The following FOCAD variants were observed in gnomAD, a reference collection of about 807,000 sequenced individuals.
FOCAD encodes focadhesin.
FOCAD carries 198 observed loss-of-function variants against 225.6 expected under a neutral mutation model. The observed-to-expected ratio is 0.88, with a 90% CI of 0.78 to 0.99. The LOEUF (loss-of-function observed/expected upper bound fraction) is 0.99, where lower values mean the gene tolerates loss of function less well. Ranked by LOEUF, FOCAD falls within the 50% of genes least tolerant of loss-of-function variation. FOCAD has a pLI of 0.00. For missense variants in FOCAD, 2,713 were observed against 2,123.6 expected (o/e 1.28, Z -5.46); for synonymous variants, 897 against 755.0 (o/e 1.19, Z -3.08).
chr9:20,979,318 C>T (rs1173405412), intron 37 of FOCAD, among the ~76,000 whole-genome samples: 1 of 151,896 alleles, frequency 6.6e-6, no homozygotes, highest in Non-Finnish European at 1.5e-5. Flanking sequence ...GGCCTTTGTC[C>T]CTATTCAGCC....
intron 11 of FOCAD, among the ~76,000 whole-genome samples, chr9:20,812,457 T>G (rs1486082057): frequency 6.6e-6 from 1 of 152,102 alleles, no homozygotes; most frequent in Non-Finnish European, 1.5e-5. Context: ...TGAAAAATTA[T>G]GCTCTTTTTT....
intron 43 of FOCAD, 137 bp from the exon 44 acceptor site, chr9:20,995,419 A>G (rs1411871541): frequency 2.0e-6 from 1 of 506,074 alleles, no homozygotes; most frequent in Non-Finnish European, 3.4e-6. Flanking sequence ...TCTGCCATTA[A>G]AATCCTGCCA....
At chr9:20,901,706 A>T (rs1190114178) in intron 21 of FOCAD, among the ~76,000 whole-genome samples, 1 of 152,008 alleles carries the variant, frequency 6.6e-6, no homozygotes, top group East Asian at 1.9e-4. Context: ...ATTGCGAATT[A>T]TGTTTCTAAG....
intron 23 of FOCAD, among the ~76,000 whole-genome samples, chr9:20,914,604 GC>G (rs984216369): frequency 6.6e-6 from 1 of 152,124 alleles, no homozygotes; most frequent in Non-Finnish European, 1.5e-5. Context: ...TTCATCATAG[GC>G]CCTGGGAGTG....
intron 35 of FOCAD, among the ~76,000 whole-genome samples, chr9:20,971,606 A>AT (rs1839774428): frequency 6.6e-6 from 1 of 151,934 alleles, no homozygotes; most frequent in South Asian, 2.1e-4. Flanking sequence ...TGCCCAGCTA[A>AT]TTTTTTGTAT....
chr9:20,784,914 T>A (rs1402626007), intron 10 of FOCAD, among the ~76,000 whole-genome samples: 2 of 147,512 alleles, frequency 1.4e-5, no homozygotes, highest in African/African-American at 2.4e-5. Context: ...ATGAAATAGA[T>A]GTCTTTTCTT....
chr9:20,785,994 C>T (rs552649472), intron 10 of FOCAD, among the ~76,000 whole-genome samples: 1 of 152,070 alleles, frequency 6.6e-6, no homozygotes, highest in Non-Finnish European at 1.5e-5. Context: ...TTTTGCATTT[C>T]CCTGATGGTA....
At chr9:20,859,544 G>A (rs1418849961) in intron 15 of FOCAD, among the ~76,000 whole-genome samples, 2 of 150,476 alleles carry the variant, frequency 1.3e-5, no homozygotes, top group East Asian at 3.9e-4. Context: ...TACAAGTTAA[G>A]TTAGAGAATT....
chr9:20,889,787 T>C (rs1488355155), intron 21 of FOCAD, among the ~76,000 whole-genome samples: 1 of 151,114 alleles, frequency 6.6e-6, no homozygotes, highest in Non-Finnish European at 1.5e-5. Context: ...AGTTTGCTGA[T>C]TTCAATGGTA....
At chr9:20,680,430 C>T (rs746744771), upstream of FOCAD, among the ~76,000 whole-genome samples, 15 of 152,020 alleles carry the variant, frequency 9.9e-5, no homozygotes, top group Non-Finnish European at 2.1e-4. Flanking sequence ...TGGTGGCGCA[C>T]GCCTGTAGTC....
intron 24 of FOCAD, among the ~76,000 whole-genome samples, chr9:20,917,172 C>T (rs1833944278): frequency 6.6e-6 from 1 of 151,796 alleles, no homozygotes; most frequent in Non-Finnish European, 1.5e-5. Flanking sequence ...CATCAGGAGT[C>T]ACTGAAGTTG....
At chr9:20,705,728 A>G (rs901854248) in intron 1 of FOCAD, among the ~76,000 whole-genome samples, 2 of 151,774 alleles carry the variant, frequency 1.3e-5, no homozygotes, top group Non-Finnish European at 2.9e-5. Context: ...AATATTGGAA[A>G]AAAAAAAGTC....
At chr9:20,740,137 T>C in intron 4 of FOCAD, 99 bp from the exon 5 acceptor site, 2 of 730,402 alleles carry the variant, frequency 2.7e-6, no homozygotes, top group Admixed American at 2.5e-5. Context: ...TTAATGTGGG[T>C]GGCAAGTATT....
chr9:20,742,344 A>C lies in FOCAD; in HGVS notation c.392+2004A>C, dbSNP rs960905401. Among the ~76,000 whole-genome samples, 12 of 152,326 alleles carry C rather than the reference A, an allele frequency of 7.9e-5. No homozygotes were observed. The East Asian group carries it at 2.3e-3, about 29-fold the overall frequency. Reference sequence around the variant, plus strand: ...GTGTGTCAGCTGCTCTAAAATGTGCATCCTAATTACTTGGGGACCTTGTTG... The same window carrying C: ...GTGTGTCAGCTGCTCTAAAATGTGCCTCCTAATTACTTGGGGACCTTGTTG... On this transcript the variant is annotated intron_variant, in intron 5 of 43. Coordinates refer to ENST00000338382, the MANE Select transcript of FOCAD (RefSeq NM_001375567.1).
intron 11 of FOCAD, among the ~76,000 whole-genome samples, chr9:20,810,937 T>A (rs1352531849): frequency 3.9e-5 from 6 of 152,088 alleles, no homozygotes; most frequent in African/African-American, 1.4e-4. Flanking sequence ...AATTTATACC[T>A]CAGATTCTGA....
chr9:20,934,525 C>T (rs6475489), intron 28 of FOCAD, among the ~76,000 whole-genome samples: 90,432 of 150,148 alleles, frequency 0.6, 27,523 homozygotes, highest in South Asian at 0.7. Context: ...GTTTTTTTTT[C>T]TTTGATTTGT....
chr9:20,674,326 C>T (rs1822163939), intron 2 of FOCAD, among the ~76,000 whole-genome samples: 1 of 152,032 alleles, frequency 6.6e-6, no homozygotes, highest in Admixed American at 6.5e-5. Context: ...TAAGTGTACA[C>T]CTCTTCCCAA....
intron 15 of FOCAD, among the ~76,000 whole-genome samples, chr9:20,839,673 G>T (rs1226565769): frequency 6.6e-6 from 1 of 151,584 alleles, no homozygotes; most frequent in Non-Finnish European, 1.5e-5. Context: ...TAATGTTTAT[G>T]GGTACATAAG....
chr9:20,837,954 A>G (rs928513694), intron 15 of FOCAD, among the ~76,000 whole-genome samples: 32 of 152,274 alleles, frequency 2.1e-4, no homozygotes, highest in African/African-American at 7.7e-4. Flanking sequence ...GAAATTGTTA[A>G]TGAAAGAAGT....
Sources: allele counts gnomAD v4.1 joint callset (sites outside exome capture counted in the v4.1 genomes callset), GRCh38; gene constraint gnomAD v4.1.1; transcripts MANE v1.5; gene names NCBI Gene and HGNC (gene_info 2026-07-23, HGNC 2026-07-21).